Variants in IRAK2 observed in about 807,000 individuals in gnomAD.
The protein encoded by IRAK2 is interleukin-1 receptor-associated kinase-like 2.
In IRAK2, 57 loss-of-function variants were observed where a neutral mutation model predicts 72.0. The ratio of observed to expected loss-of-function variants is 0.79; its 90% CI spans 0.64 to 0.99. The LOEUF is 0.99. Ranked by LOEUF, IRAK2 falls within the 50% of genes least tolerant of loss-of-function variation. IRAK2 has a pLI of 0.00. For missense variants in IRAK2, 790 were observed against 794.4 expected (o/e 0.99, Z 0.07); for synonymous variants, 293 against 312.7 (o/e 0.94, Z 0.67).
At chr3:10,181,686 C>T (rs75851138) in intron 2 of IRAK2, among the ~76,000 whole-genome samples, 17,340 of 152,108 alleles carry the variant, frequency 0.11, 1,249 homozygotes, top group South Asian at 0.16. Flanking sequence ...ATAACTGTCA[C>T]GGAAGACTCT....
chr3:10,175,625 C>T (rs1437564741), intron 1 of IRAK2, among the ~76,000 whole-genome samples: 1 of 152,020 alleles, frequency 6.6e-6, no homozygotes, highest in Non-Finnish European at 1.5e-5. Flanking sequence ...CACGGTGGCT[C>T]ACGCCTGTAA....
chr3:10,191,250 G>A (rs1215562394), intron 2 of IRAK2, among the ~76,000 whole-genome samples: 1 of 151,434 alleles, frequency 6.6e-6, no homozygotes. Flanking sequence ...AGCCGAGATC[G>A]CGCCACTGCA....
chr3:10,237,398 G>T (rs1697980332), intron 11 of IRAK2, among the ~76,000 whole-genome samples: 1 of 152,196 alleles, frequency 6.6e-6, no homozygotes, highest in African/African-American at 2.4e-5. Context: ...GCAGGCCTGG[G>T]TTTGATGGTC....
intron 10 of IRAK2, among the ~76,000 whole-genome samples, chr3:10,233,179 A>G (rs1409511984): frequency 6.6e-6 from 1 of 151,956 alleles, no homozygotes; most frequent in Non-Finnish European, 1.5e-5. Context: ...CCTCCCGAGT[A>G]CCTGGGACTA....
chr3:10,221,237 C>G (rs1268658932), intron 8 of IRAK2, among the ~76,000 whole-genome samples: 1 of 133,014 alleles, frequency 7.5e-6, no homozygotes, highest in Non-Finnish European at 1.6e-5. Flanking sequence ...CTAAAAATAC[C>G]AAAAAAAAAA....
At position 10,217,079 on chromosome 3, in the gene IRAK2, G is replaced by T; in HGVS notation, c.903+31G>T. The T allele has an allele frequency of 2.0e-6, 3 of 1,478,330 alleles. No homozygotes were observed. The South Asian group carries it at 3.4e-5, about 17-fold the overall frequency. The allele number at this position is 1,478,330 out of a possible 1,614,324, so 91.6% of individuals were successfully genotyped here. On this transcript the variant is annotated intron_variant, in intron 7 of 12. Coordinates refer to ENST00000256458, the MANE Select transcript of IRAK2 (RefSeq NM_001570.4). ...GGACTGGGTCATGGTCAGAGAATGG[G>T]ACCAGGCTGCACCCAGCCATGGGGT...
At chr3:10,178,205 C>CAGCT (rs1223600721) in intron 2 of IRAK2, among the ~76,000 whole-genome samples, 185 bp downstream of exon 2, 1 of 152,164 alleles carries the variant, frequency 6.6e-6, no homozygotes, top group Non-Finnish European at 1.5e-5. Flanking sequence ...CGCCTGTAAT[C>CAGCT]CCAGCACTTC....
intron 3 of IRAK2, among the ~76,000 whole-genome samples, chr3:10,206,762 A>G (rs1018037777): frequency 1.3e-5 from 2 of 151,798 alleles, no homozygotes; most frequent in Non-Finnish European, 2.9e-5. Context: ...CACCATGTTG[A>G]CCAGACTGGT....
intron 3 of IRAK2, among the ~76,000 whole-genome samples, chr3:10,208,168 TGGCCAAAGGCCAA>T (rs1276682105): frequency 6.6e-6 from 1 of 151,598 alleles, no homozygotes; most frequent in African/African-American, 2.4e-5. Context: ...AAGCAGGCCT[TGGCCAAAGGCCAA>T]GGCCCTTGGA....
At chr3:10,228,784 G>T (rs1297807679) in intron 10 of IRAK2, among the ~76,000 whole-genome samples, 1 of 152,138 alleles carries the variant, frequency 6.6e-6, no homozygotes, top group African/African-American at 2.4e-5. Context: ...GCTTGGGAAA[G>T]TGTTAGTTGC....
At chr3:10,223,486 C>T (rs987656292) in intron 9 of IRAK2, among the ~76,000 whole-genome samples, 5 of 152,232 alleles carry the variant, frequency 3.3e-5, no homozygotes, top group African/African-American at 9.6e-5. Flanking sequence ...ACTCCAGTTC[C>T]TTCGGACCTC....
intron 12 of IRAK2, among the ~76,000 whole-genome samples, chr3:10,239,306 T>C (rs1441781655): frequency 6.6e-6 from 1 of 152,204 alleles, no homozygotes; most frequent in African/African-American, 2.4e-5. Context: ...GTTCCCCCTT[T>C]GTCTGAGCTC....
chr3:10,176,420 C>A (rs940073012), intron 1 of IRAK2, among the ~76,000 whole-genome samples: 4 of 152,020 alleles, frequency 2.6e-5, no homozygotes, highest in Non-Finnish European at 5.9e-5. Flanking sequence ...CCCATCTCAG[C>A]CTCCTGAGTA....
intron 2 of IRAK2, among the ~76,000 whole-genome samples, chr3:10,183,920 G>C (rs1269369875): frequency 6.6e-6 from 1 of 152,152 alleles, no homozygotes. Context: ...GCAGACCACA[G>C]TGGCTGAGAA....
At chr3:10,167,500 C>T (rs1186814128) in intron 1 of IRAK2, among the ~76,000 whole-genome samples, 4 of 152,112 alleles carry the variant, frequency 2.6e-5, no homozygotes, top group Admixed American at 2.0e-4. Flanking sequence ...CTGCAAGCTC[C>T]ACCTCCTGGG....
chr3:10,207,314 C>T (rs934514219), intron 3 of IRAK2, among the ~76,000 whole-genome samples: 1 of 152,188 alleles, frequency 6.6e-6, no homozygotes, highest in Non-Finnish European at 1.5e-5. Context: ...ATGTTGTAAG[C>T]CACAAATACC....
chr3:10,177,777 G>C, intron 1 of IRAK2, 61 bp from the exon 2 acceptor site: 1 of 1,533,818 alleles, frequency 6.5e-7, no homozygotes, highest in South Asian at 1.1e-5. Context: ...GCTAGTGTGG[G>C]GACCTGTCCT....
rs1201499238 is a variant in IRAK2, at chr3:10,178,002, G to T, written c.259G>T (p.Ala87Ser). 1.9e-6 allele frequency: 3 copies of T among 1,610,274 alleles called. No individual in the cohort carries two copies. Among genetic ancestry groups the T allele is most frequent in the Non-Finnish European group, 2.5e-6 (3 of 1,178,360 alleles). The change falls in exon 2 of 13, where the codon GCC (alanine) becomes TCC (serine). Residue 87 changes from alanine to serine, a missense_variant. Coordinates refer to ENST00000256458, the MANE Select transcript of IRAK2 (RefSeq NM_001570.4). Reference sequence around the variant, plus strand: ...GTGCCGCCTGGAGCTCTACCGGGCTGCCCAGATCATCCTGAACTGTGAGTA... The same window carrying T: ...GTGCCGCCTGGAGCTCTACCGGGCTTCCCAGATCATCCTGAACTGTGAGTA... ...LLCRLELYRA[A>S]QIILNWKPAP... is the part of the protein sequence containing the mutation.
chr3:10,220,742 C>T (rs969955347), intron 8 of IRAK2, among the ~76,000 whole-genome samples: 8 of 152,160 alleles, frequency 5.3e-5, no homozygotes, highest in African/African-American at 1.4e-4. Context: ...CCCCGGCTCT[C>T]TCCCCTAATT....
Sources: allele counts gnomAD v4.1 joint callset (sites outside exome capture counted in the v4.1 genomes callset), GRCh38; gene constraint gnomAD v4.1.1; transcripts MANE v1.5; gene names NCBI Gene and HGNC (gene_info 2026-07-23, HGNC 2026-07-21).